Variants in DNM3 observed in about 807,000 individuals in gnomAD.
The protein encoded by DNM3 is dynamin 3.
Under a neutral mutation model 101.6 loss-of-function variants are expected in DNM3, and 47 were observed. The observed-to-expected ratio is 0.46, with a 90% CI of 0.37 to 0.59. DNM3 has a LOEUF of 0.59. Among genes scored for constraint, DNM3 ranks in the 20% least tolerant of loss-of-function variants. The pLI is 0.00. For missense variants in DNM3, 849 were observed against 1,085.7 expected, an observed-to-expected ratio of 0.78 and a Z score of 3.06; for synonymous variants, 385 against 387.9, an observed-to-expected ratio of 0.99 and a Z score of 0.09.
chr1:172,234,705 A>T (rs2061470542), intron 14 of DNM3, among the ~76,000 whole-genome samples: 1 of 146,480 alleles, frequency 6.8e-6, no homozygotes, highest in South Asian at 2.2e-4. Context: ...AATGGAACAG[A>T]ACAGAGCCCT....
At chr1:172,008,022 C>T (rs72713746) in intron 4 of DNM3, among the ~76,000 whole-genome samples, 2,012 of 152,080 alleles carry the variant, frequency 0.013, 29 homozygotes, top group Non-Finnish European at 0.021. Context: ...AACATCTATT[C>T]GGGTCTTTTG....
chr1:171,970,366 A>C (rs2043902049), intron 2 of DNM3: 2 of 156,370 alleles, frequency 1.3e-5, no homozygotes, highest in African/African-American at 4.8e-5. Flanking sequence ...TCTACATAGG[A>C]AGAAATTGAA....
At chr1:171,925,689 G>A (rs747329594) in intron 2 of DNM3, among the ~76,000 whole-genome samples, 53 of 152,288 alleles carry the variant, frequency 3.5e-4, no homozygotes, top group Non-Finnish European at 6.2e-4. Flanking sequence ...TTCTTTTGCA[G>A]TGCATAATGT....
chr1:171,844,566 G>C (rs2031777873), intron 1 of DNM3, among the ~76,000 whole-genome samples: 2 of 152,166 alleles, frequency 1.3e-5, no homozygotes, highest in African/African-American at 4.8e-5. Context: ...TGCTGTAAAA[G>C]CTGATTTTTG....
At chr1:172,058,181 C>A (rs2125899711) in intron 10 of DNM3, among the ~76,000 whole-genome samples, 1 of 150,214 alleles carries the variant, frequency 6.7e-6, no homozygotes, top group East Asian at 2.0e-4. Flanking sequence ...ACAGGAGCAC[C>A]CAGATTCATA....
At chr1:172,174,690 C>G (rs2059092745) in intron 14 of DNM3, among the ~76,000 whole-genome samples, 1 of 151,590 alleles carries the variant, frequency 6.6e-6, no homozygotes, top group Non-Finnish European at 1.5e-5. Context: ...ATGATGTCTA[C>G]TGAGGGAAGA....
chr1:172,138,025 G>A (rs1440939171), intron 14 of DNM3: 2 of 152,154 alleles, frequency 1.3e-5, no homozygotes, highest in African/African-American at 2.4e-5. Flanking sequence ...TAGGTTGCAA[G>A]TGAATGTGTT....
chr1:172,048,056 G>C (rs1357520401), intron 9 of DNM3, among the ~76,000 whole-genome samples: 2 of 152,118 alleles, frequency 1.3e-5, no homozygotes, highest in African/African-American at 4.8e-5. Flanking sequence ...TATAACACCA[G>C]TTTGAATTAA....
intron 2 of DNM3, among the ~76,000 whole-genome samples, chr1:171,951,856 T>G (rs2042548871): frequency 1.3e-5 from 2 of 152,312 alleles, no homozygotes; most frequent in South Asian, 4.1e-4. Context: ...AGATTGGTTT[T>G]ATACATTTTA....
intron 20 of DNM3, among the ~76,000 whole-genome samples, 171 bp from the exon 21 acceptor site, chr1:172,407,601 C>G (rs2070988748): frequency 2.0e-5 from 3 of 151,922 alleles, no homozygotes; most frequent in Admixed American, 6.6e-5. Flanking sequence ...TTCATTAAAA[C>G]TACTAGATAA....
chr1:172,257,956 G>A (rs141917282), intron 15 of DNM3, among the ~76,000 whole-genome samples: 6 of 150,530 alleles, frequency 4.0e-5, no homozygotes, highest in East Asian at 2.0e-4. Context: ...TATTTCCACC[G>A]TCTGGTATAT....
intron 1 of DNM3, among the ~76,000 whole-genome samples, chr1:171,873,280 A>C (rs1455810945): frequency 6.6e-6 from 1 of 152,180 alleles, no homozygotes; most frequent in Non-Finnish European, 1.5e-5. Context: ...CCTGACCTGT[A>C]GTAGGTGGTC....
Position 171,944,854 on chromosome 1 carries a change from C to CTTTTTTTTTTTTTTTT in DNM3, c.235+23033_235+23034insTTTTTTTTTTTTTTTT. Among the ~76,000 whole-genome samples, 3 of 37,588 alleles carry CTTTTTTTTTTTTTTTT rather than the reference C, an allele frequency of 8.0e-5. 1 individual carries two copies. Among genetic ancestry groups the CTTTTTTTTTTTTTTTT allele is most frequent in the Non-Finnish European group, 5.4e-5 (1 of 18,632 alleles). 24.7% of individuals were successfully genotyped at this position (37,588 alleles called of 152,430 possible). ...TTTGTTTTCTTTTTTTTTGGTGTTTCCTTTTTTTTTTTTTTTTTTTTTTTT... is the reference window on the plus strand; with the variant it reads ...TTTGTTTTCTTTTTTTTTGGTGTTTCTTTTTTTTTTTTTTTTCTTTTTTTTTTTTTTTTTTTTTTTT... On this transcript the variant is annotated intron_variant, in intron 2 of 20. Coordinates refer to ENST00000627582, the MANE Select transcript of DNM3 (RefSeq NM_015569.5).
intron 4 of DNM3, among the ~76,000 whole-genome samples, chr1:172,024,285 A>C (rs1335377974): frequency 6.6e-6 from 1 of 152,212 alleles, no homozygotes; most frequent in African/African-American, 2.4e-5. Flanking sequence ...ACCATGTAAA[A>C]AAACTGTTAA....
intron 2 of DNM3, among the ~76,000 whole-genome samples, chr1:171,961,763 C>A (rs896963013): frequency 6.6e-6 from 1 of 152,100 alleles, no homozygotes; most frequent in African/African-American, 2.4e-5. Context: ...GAATATTACT[C>A]AGCCATAAAA....
intron 17 of DNM3, among the ~76,000 whole-genome samples, chr1:172,371,409 C>CT (rs901224863): frequency 1.3e-5 from 2 of 151,914 alleles, no homozygotes; most frequent in Non-Finnish European, 2.9e-5. Flanking sequence ...CTTCTGAATT[C>CT]TTTTTTTAAT....
chr1:172,316,984 G>A (rs547727076), intron 16 of DNM3, among the ~76,000 whole-genome samples: 1 of 152,000 alleles, frequency 6.6e-6, no homozygotes, highest in Non-Finnish European at 1.5e-5. Context: ...ACCACATACT[G>A]GGAAGTAAAG....
chr1:171,919,303 C>T (rs537866282), intron 1 of DNM3, among the ~76,000 whole-genome samples: 3 of 152,298 alleles, frequency 2.0e-5, no homozygotes, highest in South Asian at 4.1e-4. Flanking sequence ...CTGTCCCTCT[C>T]CTGGCCCCCC....
chr1:171,901,079 C>T (rs1341331844), intron 1 of DNM3, among the ~76,000 whole-genome samples: 10 of 132,526 alleles, frequency 7.5e-5, no homozygotes, highest in Non-Finnish European at 1.4e-4. Context: ...CGCCACTGCA[C>T]TCCAGCATGG....
Sources: gnomAD v4.1 joint callset for allele counts (sites outside exome capture counted in the v4.1 genomes callset) on GRCh38, gnomAD v4.1.1 for gene constraint, MANE v1.5 for transcripts, NCBI Gene and HGNC (gene_info 2026-07-23, HGNC 2026-07-21) for gene names.